The following DOC2A variants were observed in gnomAD, a reference collection of about 807,000 sequenced individuals.
DOC2A encodes the protein double C2 domain alpha.
In DOC2A, 28 loss-of-function variants were observed where a neutral mutation model predicts 40.6. That is an observed-to-expected ratio of 0.69 (90% CI 0.51 to 0.95). The LOEUF (loss-of-function observed/expected upper bound fraction) is 0.95. Among genes scored for constraint, DOC2A ranks in the 40% least tolerant of loss-of-function variants. The pLI is 0.00. For synonymous variants in DOC2A, 241 were observed against 236.9 expected (o/e 1.02, Z -0.16); for missense variants, 474 against 552.5 (o/e 0.86, Z 1.42).
upstream of DOC2A, among the ~76,000 whole-genome samples, chr16:30,016,445 G>T (rs1277321152): frequency 6.6e-6 from 1 of 152,210 alleles, no homozygotes; most frequent in Non-Finnish European, 1.5e-5. Flanking sequence ...CAGTGTGAAA[G>T]CCGGTGAGTT....
upstream of DOC2A, chr16:30,023,181 T>G: frequency 1.7e-6 from 1 of 583,306 alleles, no homozygotes; most frequent in Non-Finnish European, 3.0e-6. Context: ...TTCCAGGGGG[T>G]GAAGACTGGT....
Position 30,006,087 on chromosome 16 carries a change from G to T in DOC2A, c.*99C>A. Reference sequence around the variant, plus strand: ...GACTCACAAAAATAGGTAGTGCAGGGTGGGGGCAGCCCACCCTGTGTAAAC... The same window carrying T: ...GACTCACAAAAATAGGTAGTGCAGGTTGGGGGCAGCCCACCCTGTGTAAAC... On this transcript the variant is annotated 3_prime_UTR_variant, in exon 11 of 11. Coordinates refer to ENST00000350119, the MANE Select transcript of DOC2A (RefSeq NM_003586.3). This position sits in a 1 kb window ranked among gnomAD's most constrained non-coding sequence, Gnocchi z 6.2. 7.2e-7 allele frequency: 1 copy of T among 1,388,500 alleles called. No homozygotes were observed. The highest frequency in any genetic ancestry group is 9.7e-7 in the Non-Finnish European group (1 of 1,035,652). The allele number at this position is 1,388,500 out of a possible 1,614,324, so 86.0% of individuals were successfully genotyped here. A position where few individuals can be genotyped will look rare whatever the true frequency, so the allele number is the denominator to read the frequency against.
Position 30,006,722 on chromosome 16 carries a change from G to A in DOC2A, c.879-45C>T, listed in dbSNP as rs375850480. 1.9e-6 allele frequency: 3 copies of A among 1,613,742 alleles called. No homozygotes were observed. The highest frequency in any genetic ancestry group is 2.5e-6 in the Non-Finnish European group (3 of 1,179,838). On this transcript the variant is annotated intron_variant, in intron 8 of 10. Transcript: ENST00000350119. The surrounding 1 kb of genome is among the most constrained non-coding windows in gnomAD (Gnocchi z 6.2). Reference sequence around the variant, plus strand: ...AGACGAACTGAGGGGTGAGGGACAGGCCAGGCCCAACTCAGGCCAGGGCAG... The same window carrying A: ...AGACGAACTGAGGGGTGAGGGACAGACCAGGCCCAACTCAGGCCAGGGCAG...
At position 30,009,366 on chromosome 16, in the gene DOC2A, G is replaced by C; in HGVS notation, c.343-90C>G. 1 of 1,490,688 alleles carries C rather than the reference G, an allele frequency of 6.7e-7. No homozygotes were observed. The highest frequency in any genetic ancestry group is 1.4e-5 in the African/African-American group (1 of 71,792). The allele number at this position is 1,490,688 out of a possible 1,614,324, so 92.3% of individuals were successfully genotyped here. On this transcript the variant is annotated intron_variant, in intron 3 of 10. Coordinates refer to ENST00000350119, the MANE Select transcript of DOC2A (RefSeq NM_003586.3). This position sits in a 1 kb window ranked among gnomAD's most constrained non-coding sequence, Gnocchi z 4.1. ...GCTGGACCCTGGAGGAGCCCAGAAG[G>C]AGGGGGCAAGGGCAGGACGAAGGAG...
rs757458777 is a variant in DOC2A, at chr16:30,006,810, C to G, written c.853G>C (p.Gly285Arg). The change falls in exon 8 of 11, where the codon GGT (glycine) becomes CGT (arginine). Residue 285 changes from glycine to arginine, a missense_variant. By Grantham distance (125) the Gly-to-Arg change is moderately radical. Coordinates refer to ENST00000350119, the MANE Select transcript of DOC2A (RefSeq NM_003586.3). This position sits in a 1 kb window ranked among gnomAD's most constrained non-coding sequence, Gnocchi z 6.2. ...GTCTTGACGTAGGGGTCCGAGTAACCGTTGACGTCCATGGCAGCCAGATGG... is the reference window on the plus strand; with the variant it reads ...GTCTTGACGTAGGGGTCCGAGTAACGGTTGACGTCCATGGCAGCCAGATGG... ...CAHLAAMDVN[G>R]YSDPYVKTYL... The G allele has an allele frequency of 1.4e-5, 22 of 1,613,670 alleles. No homozygotes were observed. The highest frequency in any genetic ancestry group is 1.8e-5 in the Non-Finnish European group (21 of 1,179,960).
chr16:30,009,065 T>C lies in DOC2A; in HGVS notation c.458A>G (p.Asn153Ser). 1.2e-6 allele frequency: 2 copies of C among 1,614,154 alleles called. No homozygotes were observed. Among genetic ancestry groups the C allele is most frequent in the East Asian group, 2.2e-5 (1 of 44,880 alleles). ...AGTCAGGTCCTCATTCCACACGGGATTCAGTGTGTTCCTCTGAGTCTTCGT... is the reference window on the plus strand; with the variant it reads ...AGTCAGGTCCTCATTCCACACGGGACTCAGTGTGTTCCTCTGAGTCTTCGT... ...LKTKTQRNTL[N>S]PVWNEDLTYS... The change falls in exon 5 of 11, where the codon AAT (asparagine) becomes AGT (serine). Residue 153 changes from asparagine to serine, a missense_variant. Transcript: ENST00000350119. The surrounding 1 kb of genome is among the most constrained non-coding windows in gnomAD (Gnocchi z 4.1).
chr16:30,010,954 G>C lies in DOC2A; in HGVS notation c.-65C>G. 1 of 1,010,976 alleles carries C rather than the reference G, an allele frequency of 9.9e-7. No individual in the cohort carries two copies. The highest frequency in any genetic ancestry group is 1.2e-6 in the Non-Finnish European group (1 of 845,320). 62.6% of individuals were successfully genotyped at this position (1,010,976 alleles called of 1,614,324 possible). Reference sequence around the variant, plus strand: ...CTGGGGGGACGGCGGGCGCAGGCTGGGCGGCGGCGGCCGGCGAGGAGAGCG... The same window carrying C: ...CTGGGGGGACGGCGGGCGCAGGCTGCGCGGCGGCGGCCGGCGAGGAGAGCG... On this transcript the variant is annotated 5_prime_UTR_variant, in exon 1 of 11. Coordinates refer to ENST00000350119, the MANE Select transcript of DOC2A (RefSeq NM_003586.3). The surrounding 1 kb of genome is among the most constrained non-coding windows in gnomAD (Gnocchi z 4.2).
rs753495019 is a variant in DOC2A, at chr16:30,010,079, G to A, written c.144C>T (p.Gly48=). The A allele has an allele frequency of 1.3e-4, 207 of 1,611,022 alleles. No individual in the cohort carries two copies. Among genetic ancestry groups the A allele is most frequent in the Non-Finnish European group, 1.6e-4 (194 of 1,178,492 alleles). ...RGPGPEGGGG[G]GGEAPAHLVP... ...CCAGATGGGCGGGGGCCTCCCCGCC[G>A]CCCCCGCCGCCCCCTTCAGGTCCTG... The change falls in exon 2 of 11, where the codon GGC becomes GGT. Residue 48 remains glycine (G), a synonymous_variant. Coordinates refer to ENST00000350119, the MANE Select transcript of DOC2A (RefSeq NM_003586.3). The surrounding 1 kb of genome is among the most constrained non-coding windows in gnomAD (Gnocchi z 4.2).
chr16:30,010,969 CG>C lies in DOC2A; in HGVS notation c.-81del, dbSNP rs2070762370. Reference sequence around the variant, plus strand: ...GCGCAGGCTGGGCGGCGGCGGCCGGCGAGGAGAGCGCGGAGTCGAGCTGTGC... The same window carrying C: ...GCGCAGGCTGGGCGGCGGCGGCCGGCAGGAGAGCGCGGAGTCGAGCTGTGC... On this transcript the variant is annotated 5_prime_UTR_variant, in exon 1 of 11. Coordinates refer to ENST00000350119, the MANE Select transcript of DOC2A (RefSeq NM_003586.3). The surrounding 1 kb of genome is among the most constrained non-coding windows in gnomAD (Gnocchi z 4.2). 9 of 1,009,370 alleles carry C rather than the reference CG, an allele frequency of 8.9e-6. No homozygotes were observed. The South Asian group carries it at 2.9e-4, about 33-fold the overall frequency. The allele number at this position is 1,009,370 out of a possible 1,614,324, so 62.5% of individuals were successfully genotyped here.
Position 30,006,687 on chromosome 16 carries a change from G to T in DOC2A, c.879-10C>A. On this transcript the variant is annotated splice_polypyrimidine_tract_variant and intron_variant, in intron 8 of 10. Coordinates refer to ENST00000350119, the MANE Select transcript of DOC2A (RefSeq NM_003586.3). The surrounding 1 kb of genome is among the most constrained non-coding windows in gnomAD (Gnocchi z 6.2). Reference sequence around the variant, plus strand: ...ATCGGGCCTCAGGTACCTGGGGGTGGGGTGGAGGGAGACGAACTGAGGGGT... The same window carrying T: ...ATCGGGCCTCAGGTACCTGGGGGTGTGGTGGAGGGAGACGAACTGAGGGGT... 6.2e-7 allele frequency: 1 copy of T among 1,613,258 alleles called. No homozygotes were observed. The highest frequency in any genetic ancestry group is 2.2e-5 in the East Asian group (1 of 44,820).
In DOC2A at chr16:30,006,874, C is replaced by G. The variant is rs1003018007; in HGVS notation, c.789G>C (p.Ser263=). The G allele has an allele frequency of 1.2e-6, 2 of 1,613,526 alleles. No individual in the cohort carries two copies. Among genetic ancestry groups the G allele is most frequent in the Admixed American group, 1.7e-5 (1 of 59,982 alleles). The part of the protein sequence containing the change: ...GRILLSLSYS[S]RRRGLLVGIL... ...TGCCTACCAGCAGTCCCCGGCGCCGCGAGCTGTAGCTGAGACTCAGCAGGA... is the reference window on the plus strand; with the variant it reads ...TGCCTACCAGCAGTCCCCGGCGCCGGGAGCTGTAGCTGAGACTCAGCAGGA... The change falls in exon 8 of 11, where the codon TCG becomes TCC. Residue 263 remains serine (S), a synonymous_variant. Coordinates refer to ENST00000350119, the MANE Select transcript of DOC2A (RefSeq NM_003586.3). The surrounding 1 kb of genome is among the most constrained non-coding windows in gnomAD (Gnocchi z 6.2).
rs913452178 is a variant in DOC2A at position 30,006,151 on chromosome 16, G to A, written c.*35C>T. The stretch of plus-strand genomic sequence containing the variant: ...GTGCGAAGGTTGGGTACTGGACCCG[G>A]CTCGATGGGCCTGTGCCGGGACACT... On this transcript the variant is annotated 3_prime_UTR_variant, in exon 11 of 11. Coordinates refer to ENST00000350119, the MANE Select transcript of DOC2A (RefSeq NM_003586.3). This position sits in a 1 kb window ranked among gnomAD's most constrained non-coding sequence, Gnocchi z 6.2. 3.9e-6 allele frequency: 6 copies of A among 1,551,596 alleles called. No individual in the cohort carries two copies. Among genetic ancestry groups the A allele is most frequent in the South Asian group, 3.5e-5 (3 of 85,058 alleles).
At chr16:30,007,607 C>CA in intron 5 of DOC2A, 1 of 447,714 alleles carries the variant, frequency 2.2e-6, no homozygotes, top group East Asian at 4.6e-5. Context: ...TGGATGTGGC[C>CA]ATAGACACAG....
intron 5 of DOC2A, chr16:30,008,508 T>C (rs2070684427): frequency 5.7e-6 from 1 of 175,366 alleles, no homozygotes; most frequent in Non-Finnish European, 1.2e-5. Context: ...GGGCAGAAGA[T>C]ACTTTTGTTT....
At position 30,005,578 on chromosome 16, in the gene DOC2A, C is replaced by A. The variant is rs560196995; in HGVS notation, c.*608G>T. On this transcript the variant is annotated 3_prime_UTR_variant, in exon 11 of 11. Transcript: ENST00000350119. ...CGGCCACTGACACAACCAGAAAAGG[C>A]GTAAACATGCACGGGTGTCCCCCAG... is the stretch of plus-strand genomic sequence containing the variant. 43 of 851,168 alleles carry A rather than the reference C, an allele frequency of 5.1e-5. No homozygotes were observed. Among genetic ancestry groups the A allele is most frequent in the African/African-American group, 1.0e-4 (6 of 57,188 alleles). 52.7% of individuals were successfully genotyped at this position (851,168 alleles called of 1,614,324 possible). A position where few individuals can be genotyped will look rare whatever the true frequency, so the allele number is the denominator to read the frequency against.
chr16:30,023,023 T>G, upstream of DOC2A: 1 of 255,258 alleles, frequency 3.9e-6, no homozygotes, highest in Non-Finnish European at 7.8e-6. Flanking sequence ...TAACCGGAGG[T>G]GTGTGGCCCT....
At chr16:30,019,342 C>A (rs1376212136) in intron 1 of DOC2A, among the ~76,000 whole-genome samples, 1 of 151,916 alleles carries the variant, frequency 6.6e-6, no homozygotes, top group African/African-American at 2.4e-5. Flanking sequence ...TTGAAGAGTC[C>A]ATTAAAGATG....
chr16:30,009,846 T>G lies in DOC2A; in HGVS notation c.262+115A>C. ...GTGGCCGTCCCTGCCACCCCCCCAC[T>G]GCCCTCCTCCCCTACCTACATGCAC... On this transcript the variant is annotated intron_variant, in intron 2 of 10. Coordinates refer to ENST00000350119, the MANE Select transcript of DOC2A (RefSeq NM_003586.3). The surrounding 1 kb of genome is among the most constrained non-coding windows in gnomAD (Gnocchi z 4.1). 2.9e-5 allele frequency: 27 copies of G among 916,318 alleles called. No homozygotes were observed. The highest frequency in any genetic ancestry group is 4.0e-5 in the Non-Finnish European group (24 of 592,902). 56.8% of individuals were successfully genotyped at this position (916,318 alleles called of 1,614,324 possible). A position where few individuals can be genotyped will look rare whatever the true frequency, so the allele number is the denominator to read the frequency against.
intron 5 of DOC2A, 163 bp from the exon 6 acceptor site, chr16:30,007,462 C>A: frequency 2.2e-6 from 2 of 914,054 alleles, no homozygotes. Flanking sequence ...TTCCTCTGTC[C>A]CTCCCTCTGC....
Sources: allele counts gnomAD v4.1 joint callset (sites outside exome capture counted in the v4.1 genomes callset), GRCh38; gene constraint gnomAD v4.1.1; non-coding constraint Gnocchi (gnomAD v3.1); transcripts MANE v1.5; gene names NCBI Gene and HGNC (gene_info 2026-07-23, HGNC 2026-07-21).